RBPMS: variants seen among roughly 807,000 people sequenced by gnomAD.
RBPMS encodes RNA-binding protein with multiple splicing.
RBPMS carries 7 observed loss-of-function variants against 26.8 expected under a neutral mutation model. The ratio of observed to expected loss-of-function variants is 0.26; its 90% CI spans 0.15 to 0.49. The LOEUF is 0.49. Ranked by LOEUF, RBPMS falls within the 20% of genes least tolerant of loss-of-function variation. The pLI is 0.98. For missense variants in RBPMS, 186 were observed against 250.0 expected, an observed-to-expected ratio of 0.74 and a Z score of 1.73; for synonymous variants, 96 against 93.3, an observed-to-expected ratio of 1.03 and a Z score of -0.17.
chr8:30,530,588 G>A (rs969980337), intron 5 of RBPMS, among the ~76,000 whole-genome samples: 2 of 151,962 alleles, frequency 1.3e-5, no homozygotes, highest in Admixed American at 6.6e-5. Context: ...TCAGCCTCTC[G>A]AGTAGCTGGG....
chr8:30,506,427 T>C (rs761188014), intron 5 of RBPMS, among the ~76,000 whole-genome samples: 3 of 152,138 alleles, frequency 2.0e-5, no homozygotes, highest in Non-Finnish European at 4.4e-5. Flanking sequence ...TATAGCTCAT[T>C]TTTACGACAC....
rs574093530 is a variant in RBPMS at position 30,572,212 on chromosome 8, T to A, written c.*1687T>A. ...CTTTTATAACTGTTTAAAGGTACTT[T>A]TCTATTGTCATTTTTAAAAAATAAA... is the stretch of plus-strand genomic sequence containing the variant. On this transcript the variant is annotated 3_prime_UTR_variant, in exon 9 of 9. Transcript: ENST00000397323. 3 of 152,358 alleles carry A rather than the reference T, an allele frequency of 2.0e-5. No homozygotes were observed. The highest frequency in any genetic ancestry group is 4.1e-4 in the South Asian group (2 of 4,824). 9.4% of individuals were successfully genotyped at this position (152,358 alleles called of 1,614,324 possible). A position where few individuals can be genotyped will look rare whatever the true frequency, so the allele number is the denominator to read the frequency against.
intron 5 of RBPMS, among the ~76,000 whole-genome samples, chr8:30,528,071 A>G (rs1157115933): frequency 1.3e-5 from 2 of 151,894 alleles, no homozygotes; most frequent in Non-Finnish European, 2.9e-5. Flanking sequence ...GCTACTCAAG[A>G]GGCTGAGGCA....
intron 5 of RBPMS, among the ~76,000 whole-genome samples, chr8:30,514,516 G>C (rs2150965341): frequency 6.6e-6 from 1 of 151,856 alleles, no homozygotes; most frequent in South Asian, 2.1e-4. Flanking sequence ...GATTTTGACA[G>C]TTTCCCAACA....
At position 30,488,927 on chromosome 8, in the gene RBPMS, C is replaced by T. The variant is rs1819080967; in HGVS notation, c.246+9550C>T. ...GGACCTGATTATATCCAGGCCCTGC[C>T]ACTTTACTGATTTGGGGGCTCTTCT... On this transcript the variant is annotated intron_variant, in intron 4 of 8. Transcript: ENST00000397323. Among the ~76,000 whole-genome samples the T allele has an allele frequency of 2.0e-5, 3 of 152,174 alleles. No homozygotes were observed. The South Asian group carries it at 6.2e-4, about 32-fold the overall frequency.
intron 1 of RBPMS, among the ~76,000 whole-genome samples, chr8:30,430,496 T>C (rs1369281518): frequency 6.6e-6 from 1 of 152,216 alleles, no homozygotes; most frequent in Admixed American, 6.5e-5. Context: ...TACTGAGTTT[T>C]TAATAACTTT....
chr8:30,464,060 A>G (rs1816237325), intron 1 of RBPMS, among the ~76,000 whole-genome samples: 1 of 152,210 alleles, frequency 6.6e-6, no homozygotes, highest in African/African-American at 2.4e-5. Flanking sequence ...AGGCTTAGGC[A>G]GGAGGATCTT....
chr8:30,436,700 A>G (rs1398049674), intron 1 of RBPMS, among the ~76,000 whole-genome samples: 1 of 152,160 alleles, frequency 6.6e-6, no homozygotes, highest in Non-Finnish European at 1.5e-5. Flanking sequence ...AGTCTAGGGT[A>G]TGCAGTGTGC....
intron 5 of RBPMS, among the ~76,000 whole-genome samples, chr8:30,543,060 G>A (rs1034731120): frequency 6.6e-6 from 1 of 152,122 alleles, no homozygotes; most frequent in African/African-American, 2.4e-5. Context: ...AGTTTTTACT[G>A]CCTTGTTGAG....
In RBPMS at chr8:30,572,203, A is replaced by T. The variant is rs1828281381; in HGVS notation, c.*1678A>T. On this transcript the variant is annotated 3_prime_UTR_variant, in exon 9 of 9. Transcript: ENST00000397323. ...TCTATTATGCTTTTATAACTGTTTA[A>T]AGGTACTTTTCTATTGTCATTTTTA... The T allele has an allele frequency of 6.6e-6, 1 of 152,170 alleles. No homozygotes were observed. Among genetic ancestry groups the T allele is most frequent in the East Asian group, 1.9e-4 (1 of 5,196 alleles). 9.4% of individuals were successfully genotyped at this position (152,170 alleles called of 1,614,324 possible).
chr8:30,486,954 A>G (rs561075999), intron 4 of RBPMS, among the ~76,000 whole-genome samples: 1 of 152,340 alleles, frequency 6.6e-6, no homozygotes, highest in South Asian at 2.1e-4. Context: ...ATGATACCTC[A>G]TTTGACCTTG....
chr8:30,496,885 C>G (rs57976116), intron 4 of RBPMS, among the ~76,000 whole-genome samples: 1 of 152,160 alleles, frequency 6.6e-6, no homozygotes, highest in Non-Finnish European at 1.5e-5. Context: ...TCCAACTGAG[C>G]GTAACAATTG....
chr8:30,442,972 AGC>A (rs1813288495), intron 1 of RBPMS, among the ~76,000 whole-genome samples: 1 of 152,204 alleles, frequency 6.6e-6, no homozygotes, highest in African/African-American at 2.4e-5. Context: ...TACTTATCAT[AGC>A]TTTTTAAAAA....
At chr8:30,411,996 A>AAAAAC (rs1554507480) in intron 1 of RBPMS, among the ~76,000 whole-genome samples, 2 of 150,668 alleles carry the variant, frequency 1.3e-5, no homozygotes, top group Middle Eastern at 3.4e-3. Context: ...AAAAAAAAAA[A>AAAAAC]AAAAACAAAA....
intron 5 of RBPMS, among the ~76,000 whole-genome samples, chr8:30,510,170 T>C (rs1821440236): frequency 1.3e-5 from 2 of 152,168 alleles, no homozygotes; most frequent in Non-Finnish European, 2.9e-5. Context: ...ATGGCACAGA[T>C]ACGCTTGCTA....
chr8:30,445,771 G>A (rs914290573), intron 1 of RBPMS, among the ~76,000 whole-genome samples: 8 of 151,384 alleles, frequency 5.3e-5, no homozygotes, highest in African/African-American at 1.7e-4. Flanking sequence ...GGGCTCCAGC[G>A]AGCCTATATC....
intron 1 of RBPMS, among the ~76,000 whole-genome samples, chr8:30,425,994 G>A (rs750239251): frequency 8.5e-5 from 13 of 152,156 alleles, no homozygotes; most frequent in Non-Finnish European, 1.3e-4. Flanking sequence ...ACTCTATGCT[G>A]CTTCCCACCG....
intron 5 of RBPMS, among the ~76,000 whole-genome samples, chr8:30,511,481 AAAAAAATATATATATATAT>A (rs1374892541): frequency 1.9e-4 from 14 of 73,182 alleles, no homozygotes; most frequent in African/African-American, 5.5e-4. Flanking sequence ...GAAAAAAAAA[AAAAAAATATATATATATAT>A]ATATATATAT....
rs902560949 is a variant in RBPMS at position 30,518,391 on chromosome 8, G to A, written c.397+13955G>A. On this transcript the variant is annotated intron_variant, in intron 5 of 8. Coordinates refer to ENST00000397323, the MANE Select transcript of RBPMS (RefSeq NM_001008710.3). Reference sequence around the variant, plus strand: ...CGAGGTTGTAGGCAGTTAGCTAGGAGTATGACTTTTTCATTCATTCATTCA... The same window carrying A: ...CGAGGTTGTAGGCAGTTAGCTAGGAATATGACTTTTTCATTCATTCATTCA... Among the ~76,000 whole-genome samples the A allele has an allele frequency of 1.1e-4, 17 of 152,064 alleles. 1 individual carries two copies. In the East Asian group the frequency reaches 3.3e-3, roughly 29 times the overall value.
Sources: allele counts gnomAD v4.1 joint callset (sites outside exome capture counted in the v4.1 genomes callset), GRCh38; gene constraint gnomAD v4.1.1; transcripts MANE v1.5; gene names NCBI Gene and HGNC (gene_info 2026-07-23, HGNC 2026-07-21).